CPO: variants seen among roughly 807,000 people sequenced by gnomAD.
CPO encodes metallocarboxypeptidase C.
A neutral mutation model predicts 41.2 loss-of-function variants in CPO; 43 were observed. That is an observed-to-expected ratio of 1.04 (90% confidence interval 0.82 to 1.35). The LOEUF (loss-of-function observed/expected upper bound fraction) is 1.35, where lower values mean the gene tolerates loss of function less well. Among genes scored for constraint, CPO ranks in the 40% most tolerant of loss-of-function variants. The pLI is 0.00. For missense variants in CPO, 408 were observed against 451.7 expected, an observed-to-expected ratio of 0.90 and a Z score of 0.88; for synonymous variants, 178 against 162.7, an observed-to-expected ratio of 1.09 and a Z score of -0.72.
Position 206,969,397 on chromosome 2 carries a change from G to C in CPO, c.1086G>C (p.Met362Ile), listed in dbSNP as rs763806239. 1 of 1,614,088 alleles carries C rather than the reference G, an allele frequency of 6.2e-7. No individual in the cohort carries two copies. The highest frequency in any genetic ancestry group is 2.2e-5 in the East Asian group (1 of 44,850). The change falls in exon 9 of 9, where the codon ATG (methionine) becomes ATC (isoleucine). Residue 362 changes from methionine (M) to isoleucine (I), a missense_variant. Physicochemically the swap from Met to Ile is conservative, Grantham distance 10. Transcript: ENST00000272852. ...DSAGRVTSATMLLGLLVSCMS... is the reference protein window; with the variant it reads ...DSAGRVTSATILLGLLVSCMS... ...CTGGAAGGGTGACATCTGCCACTATGCTGCTGGGCCTGCTGGTGTCCTGCA... is the reference window on the plus strand; with the variant it reads ...CTGGAAGGGTGACATCTGCCACTATCCTGCTGGGCCTGCTGGTGTCCTGCA...
chr2:206,963,399 T>C (rs1455886918), intron 7 of CPO, among the ~76,000 whole-genome samples: 2 of 152,248 alleles, frequency 1.3e-5, no homozygotes, highest in African/African-American at 4.8e-5. Context: ...TGTTAAAGTA[T>C]ACAGTTCAGT....
chr2:206,946,972 A>G (rs1006604936), intron 1 of CPO, among the ~76,000 whole-genome samples: 2 of 152,204 alleles, frequency 1.3e-5, no homozygotes, highest in Non-Finnish European at 2.9e-5. Context: ...AACTAAATAA[A>G]TGGAAAGTCC....
Position 206,947,789 on chromosome 2 carries a change from CAT to C in CPO, c.69-1826_69-1825del, listed in dbSNP as rs1176955618. ...AGAAAATATAGAGACAGCGAGAAAA[CAT>C]AAAAAAGATATTCCACATCATATGT... is the stretch of plus-strand genomic sequence containing the variant. On this transcript the variant is annotated intron_variant, in intron 1 of 8. Coordinates refer to ENST00000272852, the MANE Select transcript of CPO (RefSeq NM_173077.3). Among the ~76,000 whole-genome samples, 3 of 152,150 alleles carry C rather than the reference CAT, an allele frequency of 2.0e-5. No homozygotes were observed. The East Asian group carries it at 5.8e-4, about 29-fold the overall frequency.
chr2:206,943,770 AT>A (rs1407645395), intron 1 of CPO, among the ~76,000 whole-genome samples: 20 of 143,508 alleles, frequency 1.4e-4, no homozygotes, highest in African/African-American at 5.1e-4. Flanking sequence ...AGATAGATAG[AT>A]AGATAGATGA....
intron 2 of CPO, among the ~76,000 whole-genome samples, chr2:206,951,574 T>C (rs940287042): frequency 6.6e-6 from 1 of 152,224 alleles, no homozygotes; most frequent in African/African-American, 2.4e-5. Context: ...AGATTTATAC[T>C]TTCTTATATA....
intron 5 of CPO, 93 bp downstream of exon 5, chr2:206,959,834 A>C: frequency 3.3e-6 from 2 of 601,008 alleles, no homozygotes; most frequent in Non-Finnish European, 6.1e-6. Flanking sequence ...GGCTCTAAAA[A>C]TATTTCATAC....
At chr2:206,950,130 A>T (rs1693223365) in intron 2 of CPO, among the ~76,000 whole-genome samples, 1 of 152,216 alleles carries the variant, frequency 6.6e-6, no homozygotes, top group Non-Finnish European at 1.5e-5. Flanking sequence ...TGTAGGATTT[A>T]CAGGACACAT....
chr2:206,969,450 A>T lies in CPO; in HGVS notation c.*14A>T. On this transcript the variant is annotated 3_prime_UTR_variant, in exon 9 of 9. Coordinates refer to ENST00000272852, the MANE Select transcript of CPO (RefSeq NM_173077.3). ...TCTCTTCTCTAAGTGCATTCTGCCCAGGCCTGCTCAACCCCAGTGGCATGA... is the reference window on the plus strand; with the variant it reads ...TCTCTTCTCTAAGTGCATTCTGCCCTGGCCTGCTCAACCCCAGTGGCATGA... 1 of 1,612,900 alleles carries T rather than the reference A, an allele frequency of 6.2e-7. No homozygotes were observed. The highest frequency in any genetic ancestry group is 8.5e-7 in the Non-Finnish European group (1 of 1,178,986).
At chr2:206,967,346 TATATAGATATATAGATATAG>T (rs1693597083) in intron 7 of CPO, among the ~76,000 whole-genome samples, 1 of 111,278 alleles carries the variant, frequency 9.0e-6, no homozygotes, top group African/African-American at 3.8e-5. Context: ...TATATATATA[TATATAGATATATAGATATAG>T]ATATAGATAT....
At chr2:206,962,652 G>A (rs1250196112) in intron 7 of CPO, 38 bp downstream of exon 7, 1 of 1,519,174 alleles carries the variant, frequency 6.6e-7, no homozygotes, top group South Asian at 1.1e-5. Flanking sequence ...AAAAACCTCA[G>A]CAAGACCTCT....
At chr2:206,945,052 A>G (rs561546742) in intron 1 of CPO, among the ~76,000 whole-genome samples, 4 of 152,198 alleles carry the variant, frequency 2.6e-5, no homozygotes, top group East Asian at 1.9e-4. Flanking sequence ...GGAATTGACT[A>G]TATGTCAGAA....
At chr2:206,967,675 T>A (rs1485957549) in intron 7 of CPO, among the ~76,000 whole-genome samples, 1 of 152,100 alleles carries the variant, frequency 6.6e-6, no homozygotes, top group Non-Finnish European at 1.5e-5. Flanking sequence ...TTGACTATCA[T>A]CTAGGAGGGA....
intron 7 of CPO, among the ~76,000 whole-genome samples, chr2:206,968,041 A>G (rs1693618191): frequency 6.6e-6 from 1 of 152,182 alleles, no homozygotes; most frequent in Non-Finnish European, 1.5e-5. Context: ...CAAGCCCAGA[A>G]ATATGAAAGT....
At chr2:206,942,756 C>T (rs1180706745) in intron 1 of CPO, among the ~76,000 whole-genome samples, 1 of 152,188 alleles carries the variant, frequency 6.6e-6, no homozygotes, top group Non-Finnish European at 1.5e-5. Flanking sequence ...CCCCTCTCTA[C>T]ATGTTTTATG....
chr2:206,949,305 A>G (rs1420195362), intron 1 of CPO, among the ~76,000 whole-genome samples: 1 of 152,208 alleles, frequency 6.6e-6, no homozygotes, highest in Non-Finnish European at 1.5e-5. Flanking sequence ...CACTTCAATA[A>G]ATCTTAGTTA....
At chr2:206,950,881 C>T (rs547048055) in intron 2 of CPO, among the ~76,000 whole-genome samples, 3 of 145,934 alleles carry the variant, frequency 2.1e-5, no homozygotes, top group African/African-American at 7.6e-5. Flanking sequence ...ATAGTGAGAA[C>T]ACATGGTCAC....
chr2:206,959,624 T>C lies in CPO; in HGVS notation c.373-7T>C, dbSNP rs774494888. 3 of 1,184,556 alleles carry C rather than the reference T, an allele frequency of 2.5e-6. No homozygotes were observed. The highest frequency in any genetic ancestry group is 3.8e-6 in the Non-Finnish European group (3 of 798,208). The allele number at this position is 1,184,556 out of a possible 1,614,324, so 73.4% of individuals were successfully genotyped here. On this transcript the variant is annotated splice_polypyrimidine_tract_variant and splice_region_variant and intron_variant, in intron 4 of 8. Transcript: ENST00000272852. ...TAATTCTGAACATTTCTTTCTTAAA[T>C]TTCCAGATTCTACAAAACCATAAAG...
At chr2:206,960,748 T>G (rs1006175282) in intron 5 of CPO, 104 bp from the exon 6 acceptor site, 8 of 835,128 alleles carry the variant, frequency 9.6e-6, no homozygotes, top group Non-Finnish European at 1.6e-5. Flanking sequence ...TTCTTCCAGA[T>G]AATCCTAGGA....
At chr2:206,946,852 A>C (rs1693154725) in intron 1 of CPO, among the ~76,000 whole-genome samples, 1 of 152,108 alleles carries the variant, frequency 6.6e-6, no homozygotes, top group South Asian at 2.1e-4. Context: ...ACAAGTTACC[A>C]TTTACATTAG....
Sources: gnomAD v4.1 joint callset for allele counts (sites outside exome capture counted in the v4.1 genomes callset) on GRCh38, gnomAD v4.1.1 for gene constraint, MANE v1.5 for transcripts, NCBI Gene and HGNC (gene_info 2026-07-23, HGNC 2026-07-21) for gene names.